The following OLAH variants were observed in gnomAD, a reference collection of about 807,000 sequenced individuals.
The protein encoded by OLAH is oleoyl-ACP hydrolase.
OLAH carries 33 observed loss-of-function variants against 27.8 expected under a neutral mutation model. That is an observed-to-expected ratio of 1.19 (90% CI 0.90 to 1.59). The LOEUF is 1.59. Among genes scored for constraint, OLAH ranks in the 40% most tolerant of loss-of-function variants. The probability of loss-of-function intolerance (pLI) is 0.00; values close to 1 mark genes in which losing one functional copy is unlikely to be tolerated. For synonymous variants in OLAH, 120 were observed against 102.9 expected (o/e 1.17, Z -1.01); for missense variants, 359 against 310.8 (o/e 1.16, Z -1.17).
intron 3 of OLAH, among the ~76,000 whole-genome samples, chr10:15,057,467 C>T (rs549276327): frequency 6.9e-6 from 1 of 144,660 alleles, no homozygotes; most frequent in African/African-American, 2.6e-5. Context: ...CTCACTGCAG[C>T]TTCTGCCTCC....
rs1844371927 is a variant in OLAH at position 15,061,870 on chromosome 10, A to C, written c.302+8A>C. On this transcript the variant is annotated splice_region_variant and intron_variant, in intron 4 of 7. Coordinates refer to ENST00000378228, the MANE Select transcript of OLAH (RefSeq NM_001039702.3). ...TGCATTTTTTGGCCACAGGTATTTG[A>C]TATCTGTTTTAAAAGACTTCAGGGG... 4.3e-6 allele frequency: 7 copies of C among 1,611,708 alleles called. No homozygotes were observed. The highest frequency in any genetic ancestry group is 5.9e-6 in the Non-Finnish European group (7 of 1,179,234).
upstream of OLAH, among the ~76,000 whole-genome samples, chr10:15,041,741 GA>G (rs2131332278): frequency 6.7e-6 from 1 of 148,668 alleles, no homozygotes; most frequent in South Asian, 2.2e-4. Context: ...ACATCTGGCT[GA>G]TTTCTGTATT....
intron 1 of OLAH, among the ~76,000 whole-genome samples, chr10:15,034,767 T>C (rs1843814400): frequency 6.6e-6 from 1 of 151,756 alleles, no homozygotes; most frequent in African/African-American, 2.4e-5. Context: ...CATAAGACTG[T>C]ACTGCAGACA....
chr10:15,056,463 C>T (rs972911804), intron 3 of OLAH, among the ~76,000 whole-genome samples: 4 of 152,002 alleles, frequency 2.6e-5, no homozygotes, highest in African/African-American at 7.2e-5. Flanking sequence ...TTGACAATAC[C>T]GTTGTAATTT....
chr10:15,034,514 G>A (rs1032345794), intron 1 of OLAH, among the ~76,000 whole-genome samples: 1 of 152,214 alleles, frequency 6.6e-6, no homozygotes, highest in African/African-American at 2.4e-5. Context: ...GAAATACAAT[G>A]AAGAAGGAAG....
chr10:15,035,292 T>C (rs1037672901), intron 1 of OLAH, among the ~76,000 whole-genome samples: 2 of 152,196 alleles, frequency 1.3e-5, no homozygotes, highest in African/African-American at 4.8e-5. Context: ...TATTCGGCTG[T>C]TCTTGCTTTG....
At chr10:15,052,464 A>T (rs1844163314) in intron 3 of OLAH, among the ~76,000 whole-genome samples, 1 of 152,014 alleles carries the variant, frequency 6.6e-6, no homozygotes, top group Non-Finnish European at 1.5e-5. Flanking sequence ...GTAGAGACAG[A>T]GTCTTGCTTT....
intron 3 of OLAH, among the ~76,000 whole-genome samples, chr10:15,053,417 T>G (rs894997253): frequency 1.3e-5 from 2 of 152,176 alleles, no homozygotes; most frequent in African/African-American, 2.4e-5. Context: ...TGGTGGTGTT[T>G]AACTGGTCCT....
intron 7 of OLAH, among the ~76,000 whole-genome samples, chr10:15,072,809 G>C (rs1237020416): frequency 6.6e-6 from 1 of 151,916 alleles, no homozygotes; most frequent in Non-Finnish European, 1.5e-5. Flanking sequence ...GAGGAGTTTG[G>C]AACGTTTCTG....
chr10:15,071,794 G>A lies in OLAH; in HGVS notation c.573-1G>A. On this transcript the variant is annotated splice_acceptor_variant, in intron 6 of 7. Transcript: ENST00000378228. LOFTEE classifies it high-confidence loss of function. ...ACTAACCAGCTCTTTTATGTTTATA[G>A]CTCTAACGTACCATCTAAGGCTGTT... The A allele has an allele frequency of 6.8e-6, 11 of 1,609,622 alleles. No individual in the cohort carries two copies. The highest frequency in any genetic ancestry group is 1.3e-5 in the African/African-American group (1 of 74,928).
intron 5 of OLAH, among the ~76,000 whole-genome samples, chr10:15,064,932 C>T (rs1382754790): frequency 6.6e-6 from 1 of 152,216 alleles, no homozygotes; most frequent in Non-Finnish European, 1.5e-5. Flanking sequence ...GCTGGGATTA[C>T]AGGTGTGAGC....
intron 6 of OLAH, among the ~76,000 whole-genome samples, chr10:15,070,671 G>A (rs1844566192): frequency 6.6e-6 from 1 of 152,042 alleles, no homozygotes; most frequent in African/African-American, 2.4e-5. Context: ...TAGTAGAGAC[G>A]GGGTTTCCCG....
intron 1 of OLAH, among the ~76,000 whole-genome samples, chr10:15,034,113 T>A (rs578107597): frequency 1.8e-5 from 2 of 111,688 alleles, no homozygotes; most frequent in East Asian, 6.8e-4. Context: ...TTTTTTTTTT[T>A]TCTTTTTTTT....
At chr10:15,065,902 A>T (rs1489281086) in intron 6 of OLAH, 149 bp downstream of exon 6, 5 of 666,830 alleles carry the variant, frequency 7.5e-6, no homozygotes, top group Non-Finnish European at 1.3e-5. Context: ...TGGTATGTAT[A>T]CTGGTTTAGA....
intron 3 of OLAH, chr10:15,057,021 C>A: frequency 2.2e-6 from 3 of 1,366,130 alleles, no homozygotes; most frequent in Non-Finnish European, 2.9e-6. Context: ...TAGTTTGTGC[C>A]ACCTTTCTTT....
chr10:15,072,971 T>A, intron 7 of OLAH, 116 bp from the exon 8 acceptor site: 1 of 916,546 alleles, frequency 1.1e-6, no homozygotes, highest in Middle Eastern at 2.4e-4. Context: ...ACCTAGAACA[T>A]AAGGCCTTGA....
upstream of OLAH, among the ~76,000 whole-genome samples, chr10:15,040,735 A>C (rs1341222951): frequency 6.6e-6 from 1 of 152,156 alleles, no homozygotes; most frequent in Non-Finnish European, 1.5e-5. Context: ...GCATGGTAGG[A>C]AGCAAGGAGG....
chr10:15,068,517 C>A lies in OLAH; in HGVS notation c.572+2764C>A, dbSNP rs537357283. On this transcript the variant is annotated intron_variant, in intron 6 of 7. Transcript: ENST00000378228. ...AAGCAATTCTCCTGCCTCAGCCTCC[C>A]GAGTAGCTGGGATTACAGACACGTG... 2.0e-5 allele frequency among the ~76,000 whole-genome samples: 3 copies of A among 152,086 alleles called. No individual in the cohort carries two copies. The East Asian group carries it at 5.8e-4, about 29-fold the overall frequency.
chr10:15,034,532 C>T (rs1843810922), intron 1 of OLAH, among the ~76,000 whole-genome samples: 2 of 152,180 alleles, frequency 1.3e-5, no homozygotes, highest in African/African-American at 4.8e-5. Flanking sequence ...AAGGATAAGG[C>T]CCTACTGGGA....
Sources: gnomAD v4.1 joint callset for allele counts (sites outside exome capture counted in the v4.1 genomes callset) on GRCh38, gnomAD v4.1.1 for gene constraint, MANE v1.5 for transcripts, NCBI Gene and HGNC (gene_info 2026-07-23, HGNC 2026-07-21) for gene names.